The following COL14A1 variants were observed in gnomAD, a reference collection of about 807,000 sequenced individuals.
COL14A1 encodes the protein collagen alpha-1(XIV) chain.
COL14A1 carries 136 observed loss-of-function variants against 230.3 expected under a neutral mutation model. That is an observed-to-expected ratio of 0.59 (90% confidence interval 0.51 to 0.68). The LOEUF is 0.68. Ranked by LOEUF, COL14A1 falls within the 30% of genes least tolerant of loss-of-function variation. The probability of loss-of-function intolerance (pLI) is 0.00; values close to 1 mark genes in which losing one functional copy is unlikely to be tolerated. For missense variants in COL14A1, 1,976 were observed against 2,215.8 expected, an observed-to-expected ratio of 0.89 and a Z score of 2.17; for synonymous variants, 792 against 784.1, an observed-to-expected ratio of 1.01 and a Z score of -0.17.
intron 5 of COL14A1, among the ~76,000 whole-genome samples, chr8:120,190,462 T>A (rs1816785265): frequency 6.6e-6 from 1 of 152,154 alleles, no homozygotes; most frequent in Non-Finnish European, 1.5e-5. Context: ...GGTAGTTTCT[T>A]TTGCTGTGCA....
At position 120,280,745 on chromosome 8, in the gene COL14A1, T is replaced by C; in HGVS notation, c.3681T>C (p.Leu1227=). The C allele has an allele frequency of 6.2e-7, 1 of 1,613,504 alleles. No homozygotes were observed. The highest frequency in any genetic ancestry group is 8.5e-7 in the Non-Finnish European group (1 of 1,179,770). ...TGGTACACAAGGATGGCATTGATCT[T>C]GCAGGTATGCATTATCACAATCTTT... The part of the protein sequence containing the change: ...CPVVHKDGID[L]AGFKMMEMFG... Residue 1227 remains leucine, a synonymous_variant, in exon 30 of 48, where the codon CTT becomes CTC. Transcript: ENST00000297848.
chr8:120,289,498 AT>A lies in COL14A1; in HGVS notation c.4078-108del, dbSNP rs1044952995. ...TTTTGGCAAAATACATGGTGACAGA[AT>A]TCTTTCTCTTCTCTTTCATACTTTG... On this transcript the variant is annotated intron_variant, in intron 33 of 47. Coordinates refer to ENST00000297848, the MANE Select transcript of COL14A1 (RefSeq NM_021110.4). The A allele has an allele frequency of 8.3e-6, 7 of 840,672 alleles. No homozygotes were observed. In the African/African-American group the frequency reaches 1.2e-4, roughly 14 times the overall value. The allele number at this position is 840,672 out of a possible 1,614,324, so 52.1% of individuals were successfully genotyped here.
Position 120,168,205 on chromosome 8 carries a change from G to T in COL14A1, c.394G>T (p.Val132Phe), listed in dbSNP as rs757719062. 1 of 1,612,844 alleles carries T rather than the reference G, an allele frequency of 6.2e-7. No homozygotes were observed. Among genetic ancestry groups the T allele is most frequent in the African/African-American group, 1.3e-5 (1 of 74,856 alleles). Residue 132 changes from valine (V) to phenylalanine (F), a missense_variant, in exon 5 of 48, where the codon GTT becomes TTT. Physicochemically the swap from Val to Phe is conservative, Grantham distance 50. This residue lies in a region of COL14A1 where 181 missense variants were observed against 178.6 expected (regional missense o/e 1.01). Coordinates refer to ENST00000297848, the MANE Select transcript of COL14A1 (RefSeq NM_021110.4). ...AAAGGATCCAAAGCCCAGAGTCAAA[G>T]TTGTGGACAGAGGAAATGGGAGTAG... ...KRKDPKPRVK[V>F]VDRGNGSRPS... is the part of the protein sequence containing the mutation.
intron 1 of COL14A1, among the ~76,000 whole-genome samples, chr8:120,141,689 G>A (rs1814917911): frequency 6.6e-6 from 1 of 152,162 alleles, no homozygotes; most frequent in South Asian, 2.1e-4. Flanking sequence ...AAAAGTACAT[G>A]AGATGCAGAT....
chr8:120,174,490 G>C (rs1170831427), intron 5 of COL14A1, among the ~76,000 whole-genome samples: 1 of 152,178 alleles, frequency 6.6e-6, no homozygotes, highest in African/African-American at 2.4e-5. Context: ...GGAAGAGTGA[G>C]GCTACTATTG....
intron 6 of COL14A1, 58 bp downstream of exon 6, chr8:120,197,004 T>C (rs893918731): frequency 1.3e-6 from 2 of 1,541,016 alleles, no homozygotes; most frequent in Admixed American, 1.9e-5. Flanking sequence ...TGCTGGGAAG[T>C]ATTTTAAGAA....
chr8:120,129,647 C>T (rs1207771136), intron 1 of COL14A1, among the ~76,000 whole-genome samples: 3 of 152,150 alleles, frequency 2.0e-5, no homozygotes, highest in Non-Finnish European at 4.4e-5. Context: ...AAAAGGAAGC[C>T]TCTCTGTGCA....
intron 5 of COL14A1, among the ~76,000 whole-genome samples, chr8:120,188,047 C>T (rs1283466965): frequency 2.6e-5 from 4 of 151,334 alleles, no homozygotes; most frequent in African/African-American, 9.7e-5. Flanking sequence ...AGAGTTGTTG[C>T]GAGGACTAAA....
intron 4 of COL14A1, among the ~76,000 whole-genome samples, chr8:120,164,882 G>A (rs1815811338): frequency 6.6e-6 from 1 of 152,174 alleles, no homozygotes; most frequent in Non-Finnish European, 1.5e-5. Context: ...CTGAGGTTTT[G>A]CAATTGATTA....
chr8:120,227,144 TTA>T, intron 16 of COL14A1, 74 bp from the exon 17 acceptor site: 2 of 1,524,736 alleles, frequency 1.3e-6, no homozygotes, highest in Non-Finnish European at 1.8e-6. Flanking sequence ...TGTTTCTTGC[TTA>T]TGCTCAGAAT....
intron 4 of COL14A1, among the ~76,000 whole-genome samples, chr8:120,163,342 T>C (rs887509648): frequency 7.2e-5 from 11 of 152,200 alleles, no homozygotes; most frequent in African/African-American, 2.2e-4. Flanking sequence ...TCTCAAATAG[T>C]AAATTGGGCA....
intron 21 of COL14A1, 80 bp from the exon 22 acceptor site, chr8:120,250,537 A>C: frequency 6.8e-7 from 1 of 1,476,360 alleles, no homozygotes; most frequent in Non-Finnish European, 9.4e-7. Context: ...AAAGCAGTCA[A>C]GTGAATACAA....
intron 26 of COL14A1, 141 bp from the exon 27 acceptor site, chr8:120,277,970 T>G (rs1586825724): frequency 2.7e-6 from 2 of 744,928 alleles, no homozygotes; most frequent in East Asian, 5.8e-5. Context: ...GTATGTAACT[T>G]GTATGAAAGA....
chr8:120,283,627 T>A lies in COL14A1; in HGVS notation c.3825-9T>A. On this transcript the variant is annotated splice_polypyrimidine_tract_variant and intron_variant, in intron 31 of 47. Transcript: ENST00000297848. ...ATACAATGAAACATGGTTTTCTTTC[T>A]ATGTTCAGGTACTTGCACCCAGAAG... 1 of 1,584,570 alleles carries A rather than the reference T, an allele frequency of 6.3e-7. No homozygotes were observed. The highest frequency in any genetic ancestry group is 2.2e-5 in the East Asian group (1 of 44,534).
chr8:120,262,181 A>T (rs749997595), intron 23 of COL14A1, among the ~76,000 whole-genome samples: 5 of 151,940 alleles, frequency 3.3e-5, no homozygotes, highest in East Asian at 1.9e-4. Flanking sequence ...GTTCAGATTT[A>T]AAAAAAATAG....
chr8:120,259,140 G>A (rs1819252344), intron 23 of COL14A1, among the ~76,000 whole-genome samples: 1 of 152,084 alleles, frequency 6.6e-6, no homozygotes, highest in African/African-American at 2.4e-5. Context: ...GCATCATATG[G>A]AACAAAACCT....
chr8:120,158,258 T>G lies in COL14A1; in HGVS notation c.205+12T>G. 6.8e-7 allele frequency: 1 copy of G among 1,465,872 alleles called. No individual in the cohort carries two copies. Among genetic ancestry groups the G allele is most frequent in the Non-Finnish European group, 9.6e-7 (1 of 1,046,466 alleles). 90.8% of individuals were successfully genotyped at this position (1,465,872 alleles called of 1,614,324 possible). ...GACTCCAACTTCAGGTAAAAACAATTGACTTTGTTTTGTAGAGCATTAGCA... is the reference window on the plus strand; with the variant it reads ...GACTCCAACTTCAGGTAAAAACAATGGACTTTGTTTTGTAGAGCATTAGCA... On this transcript the variant is annotated intron_variant, in intron 3 of 47. Coordinates refer to ENST00000297848, the MANE Select transcript of COL14A1 (RefSeq NM_021110.4).
chr8:120,281,536 A>G (rs997877561), intron 31 of COL14A1, among the ~76,000 whole-genome samples: 1 of 149,948 alleles, frequency 6.7e-6, no homozygotes, highest in Middle Eastern at 3.4e-3. Flanking sequence ...CTGCACCTCA[A>G]TCTTGGTGAA....
At chr8:120,255,870 T>TCA (rs1563699667) in intron 23 of COL14A1, among the ~76,000 whole-genome samples, 2 of 152,112 alleles carry the variant, frequency 1.3e-5, no homozygotes, top group Admixed American at 1.3e-4. Context: ...AACAAGTTCT[T>TCA]CAGCATTACA....
Sources: gnomAD v4.1 joint callset for allele counts (sites outside exome capture counted in the v4.1 genomes callset) on GRCh38, gnomAD v4.1.1 for gene constraint, gnomAD v4.1.1 regional missense constraint, MANE v1.5 for transcripts, NCBI Gene and HGNC (gene_info 2026-07-23, HGNC 2026-07-21) for gene names.